ALCAM: variants seen among roughly 807,000 people sequenced by gnomAD.
The protein encoded by ALCAM is activated leukocyte cell adhesion molecule, also known as CD166 antigen.
Under a neutral mutation model 70.9 loss-of-function variants are expected in ALCAM, and 30 were observed. That is an observed-to-expected ratio of 0.42 (90% CI 0.32 to 0.57). The LOEUF (loss-of-function observed/expected upper bound fraction) is 0.57. Ranked by LOEUF, ALCAM falls within the 20% of genes least tolerant of loss-of-function variation. The probability of loss-of-function intolerance (pLI) is 0.11; values close to 1 mark genes in which losing one functional copy is unlikely to be tolerated. For synonymous variants in ALCAM, 249 were observed against 242.5 expected (o/e 1.03, Z -0.25); for missense variants, 591 against 695.1 (o/e 0.85, Z 1.68).
rs1294550823 is a variant in ALCAM at position 105,574,778 on chromosome 3, T to G, written c.*327T>G. On this transcript the variant is annotated 3_prime_UTR_variant, in exon 16 of 16. Coordinates refer to ENST00000306107, the MANE Select transcript of ALCAM (RefSeq NM_001627.4). ...TTATGTAAATTTTTTACGTAGCTATTTTTATACACTGTAAGCTTTGTTCTG... is the reference window on the plus strand; with the variant it reads ...TTATGTAAATTTTTTACGTAGCTATGTTTATACACTGTAAGCTTTGTTCTG... The G allele has an allele frequency of 1.3e-5, 2 of 152,646 alleles. No individual in the cohort carries two copies. The highest frequency in any genetic ancestry group is 4.8e-5 in the African/African-American group (2 of 41,456). 9.5% of individuals were successfully genotyped at this position (152,646 alleles called of 1,614,324 possible). A position where few individuals can be genotyped will look rare whatever the true frequency, so the allele number is the denominator to read the frequency against.
chr3:105,462,285 T>G (rs2152598210), intron 1 of ALCAM, among the ~76,000 whole-genome samples: 1 of 151,688 alleles, frequency 6.6e-6, no homozygotes, highest in East Asian at 1.9e-4. Flanking sequence ...TTGGCTCTTA[T>G]GCCCTTTGAT....
At chr3:105,574,234 A>C (rs570884514) in intron 15 of ALCAM, among the ~76,000 whole-genome samples, 51 of 152,140 alleles carry the variant, frequency 3.4e-4, no homozygotes, top group African/African-American at 1.2e-3. Context: ...TATTTTCTTG[A>C]AAAAAAACTT....
In ALCAM at chr3:105,414,798, T is replaced by C. The variant is rs1299179353; in HGVS notation, c.73+47317T>C. Among the ~76,000 whole-genome samples, 4 of 152,270 alleles carry C rather than the reference T, an allele frequency of 2.6e-5. No homozygotes were observed. In the East Asian group the frequency reaches 7.7e-4, roughly 29 times the overall value. On this transcript the variant is annotated intron_variant, in intron 1 of 15. Transcript: ENST00000306107. ...CTAGGCCAAGGTGTGTGATCTTATT[T>C]TGTATATATTGGGAATACATCAAAG...
chr3:105,437,967 CAA>C (rs1433577792), intron 1 of ALCAM, among the ~76,000 whole-genome samples: 1 of 152,036 alleles, frequency 6.6e-6, no homozygotes, highest in Non-Finnish European at 1.5e-5. Flanking sequence ...AGCCTAAACT[CAA>C]AGTTTATTTG....
At chr3:105,444,750 C>CTCT (rs1047603412) in intron 1 of ALCAM, among the ~76,000 whole-genome samples, 1 of 152,114 alleles carries the variant, frequency 6.6e-6, no homozygotes, top group African/African-American at 2.4e-5. Flanking sequence ...AGTATTCATG[C>CTCT]TCTTCATCTC....
At chr3:105,502,264 C>T (rs185501685) in intron 1 of ALCAM, among the ~76,000 whole-genome samples, 21 of 152,254 alleles carry the variant, frequency 1.4e-4, no homozygotes, top group African/African-American at 4.3e-4. Context: ...CTTGTTTTCT[C>T]TAGTCTCTTT....
At chr3:105,552,408 G>T (rs1486447463) in intron 13 of ALCAM, 60 bp from the exon 14 acceptor site, 3 of 1,519,804 alleles carry the variant, frequency 2.0e-6, no homozygotes, top group South Asian at 1.1e-5. Context: ...TAGCTAGATT[G>T]ACTTTCTGAA....
intron 14 of ALCAM, among the ~76,000 whole-genome samples, chr3:105,570,725 C>T (rs1940842920): frequency 6.6e-6 from 1 of 152,130 alleles, no homozygotes; most frequent in Non-Finnish European, 1.5e-5. Flanking sequence ...ATCATATGCA[C>T]CATTATACAT....
At chr3:105,406,863 A>G (rs1329619248) in intron 1 of ALCAM, among the ~76,000 whole-genome samples, 1 of 152,156 alleles carries the variant, frequency 6.6e-6, no homozygotes, top group African/African-American at 2.4e-5. Flanking sequence ...TTACAAATGA[A>G]ACGGGAGATA....
intron 8 of ALCAM, 122 bp downstream of exon 8, chr3:105,541,887 A>G: frequency 8.4e-7 from 1 of 1,188,232 alleles, no homozygotes; most frequent in Non-Finnish European, 1.2e-6. Context: ...CAATAGATGC[A>G]GTAGAGAGAG....
chr3:105,556,108 G>A (rs1940510825), intron 14 of ALCAM, among the ~76,000 whole-genome samples: 1 of 151,734 alleles, frequency 6.6e-6, no homozygotes, highest in Non-Finnish European at 1.5e-5. Flanking sequence ...CTCCAAACAT[G>A]GTTTTTAGTT....
intron 1 of ALCAM, among the ~76,000 whole-genome samples, chr3:105,505,342 G>C (rs1433275471): frequency 6.6e-6 from 1 of 152,150 alleles, no homozygotes; most frequent in Non-Finnish European, 1.5e-5. Flanking sequence ...ATCTTACATG[G>C]CCAGAGAAGG....
intron 1 of ALCAM, among the ~76,000 whole-genome samples, chr3:105,401,649 T>A (rs1260356637): frequency 6.6e-6 from 1 of 152,176 alleles, no homozygotes; most frequent in Non-Finnish European, 1.5e-5. Flanking sequence ...TTTAAATCAT[T>A]CTGACTCTTT....
chr3:105,512,518 C>A (rs1007296568), intron 1 of ALCAM, among the ~76,000 whole-genome samples: 7 of 151,830 alleles, frequency 4.6e-5, no homozygotes, highest in African/African-American at 1.7e-4. Flanking sequence ...GATTTTCATG[C>A]TCAGAAAATG....
intron 15 of ALCAM, among the ~76,000 whole-genome samples, chr3:105,573,644 T>A (rs1940903114): frequency 6.6e-6 from 1 of 152,214 alleles, no homozygotes; most frequent in Non-Finnish European, 1.5e-5. Flanking sequence ...TTGAGGTTTT[T>A]CTTTTTATTT....
intron 1 of ALCAM, among the ~76,000 whole-genome samples, chr3:105,412,760 A>G (rs139183598): frequency 1.2e-3 from 184 of 152,230 alleles, no homozygotes; most frequent in African/African-American, 4.1e-3. Context: ...AATTTTGGAA[A>G]ATACTTGGAA....
At chr3:105,417,081 C>A (rs1043828037) in intron 1 of ALCAM, among the ~76,000 whole-genome samples, 2 of 151,882 alleles carry the variant, frequency 1.3e-5, no homozygotes, top group African/African-American at 4.8e-5. Context: ...CCTTTGTACT[C>A]AAGCTTTGGC....
At chr3:105,431,369 T>G (rs1436218542) in intron 1 of ALCAM, among the ~76,000 whole-genome samples, 1 of 152,204 alleles carries the variant, frequency 6.6e-6, no homozygotes, top group Middle Eastern at 3.4e-3. Context: ...CATCTGGAGC[T>G]AGTAATGCCT....
At chr3:105,489,315 A>G (rs2152610424) in intron 1 of ALCAM, among the ~76,000 whole-genome samples, 2 of 152,308 alleles carry the variant, frequency 1.3e-5, no homozygotes, top group Admixed American at 1.3e-4. Flanking sequence ...ATTTTATATC[A>G]ATAAGTACCA....
Sources: allele counts gnomAD v4.1 joint callset (sites outside exome capture counted in the v4.1 genomes callset), GRCh38; gene constraint gnomAD v4.1.1; transcripts MANE v1.5; gene names NCBI Gene and HGNC (gene_info 2026-07-23, HGNC 2026-07-21).